The following CHST11 variants were observed in gnomAD, a reference collection of about 807,000 sequenced individuals.
CHST11 encodes the protein C4S-1.
CHST11 carries 9 observed loss-of-function variants against 30.4 expected under a neutral mutation model. The ratio of observed to expected loss-of-function variants is 0.30; its 90% CI spans 0.18 to 0.52. The LOEUF is 0.52. Ranked by LOEUF, CHST11 falls within the 20% of genes least tolerant of loss-of-function variation. The pLI is 0.97. For synonymous variants in CHST11, 152 were observed against 187.8 expected, an observed-to-expected ratio of 0.81 and a Z score of 1.56; for missense variants, 348 against 460.6, an observed-to-expected ratio of 0.76 and a Z score of 2.24.
Position 104,696,482 on chromosome 12 carries a change from C to CAAAAA in CHST11, c.205-60446_205-60442dup, listed in dbSNP as rs10602668. Among the ~76,000 whole-genome samples the CAAAAA allele has an allele frequency of 1.4e-3, 95 of 69,106 alleles. 1 individual carries two copies. The highest frequency in any genetic ancestry group is 1.8e-3 in the African/African-American group (30 of 16,224). 45.3% of individuals were successfully genotyped at this position (69,106 alleles called of 152,430 possible). A position where few individuals can be genotyped will look rare whatever the true frequency, so the allele number is the denominator to read the frequency against. ...TGAAACCCCGACTCTGCTAAAAATA[C>CAAAAA]AAAAAAAAAAAAAAAAAAAAAAAAA... On this transcript the variant is annotated intron_variant, in intron 2 of 2. Coordinates refer to ENST00000303694, the MANE Select transcript of CHST11 (RefSeq NM_018413.6).
At chr12:104,617,459 G>A (rs1393190967) in intron 2 of CHST11, among the ~76,000 whole-genome samples, 1 of 151,964 alleles carries the variant, frequency 6.6e-6, no homozygotes. Context: ...CCAAATACCT[G>A]GTGCAGCAAA....
intron 2 of CHST11, among the ~76,000 whole-genome samples, chr12:104,632,228 A>G (rs1164979410): frequency 6.6e-6 from 1 of 151,724 alleles, no homozygotes; most frequent in Non-Finnish European, 1.5e-5. Context: ...GGGTGATGAT[A>G]TGGGGGAAGG....
At chr12:104,476,611 G>A (rs2037565318) in intron 1 of CHST11, among the ~76,000 whole-genome samples, 1 of 151,844 alleles carries the variant, frequency 6.6e-6, no homozygotes, top group East Asian at 1.9e-4. Flanking sequence ...GTTTCTTAAT[G>A]TCCCTTTCAG....
At chr12:104,457,999 T>C (rs1022893104) in intron 1 of CHST11, among the ~76,000 whole-genome samples, 1 of 151,706 alleles carries the variant, frequency 6.6e-6, no homozygotes, top group East Asian at 2.0e-4. Flanking sequence ...CGCCTCTTCC[T>C]GGTTGCCGGG....
intron 2 of CHST11, among the ~76,000 whole-genome samples, chr12:104,610,265 A>C (rs577452314): frequency 1.3e-5 from 2 of 152,312 alleles, no homozygotes; most frequent in African/African-American, 4.8e-5. Flanking sequence ...GGTTGTGTTC[A>C]TGTGAAAGCA....
At chr12:104,478,075 C>T (rs1163679739) in intron 1 of CHST11, among the ~76,000 whole-genome samples, 2 of 152,052 alleles carry the variant, frequency 1.3e-5, no homozygotes, top group African/African-American at 4.8e-5. Flanking sequence ...AAGCAACCCC[C>T]CTAACAGGAA....
chr12:104,758,812 C>T lies in CHST11; in HGVS notation c.*1009C>T, dbSNP rs980076898. 13 of 152,254 alleles carry T rather than the reference C, an allele frequency of 8.5e-5. No individual in the cohort carries two copies. The highest frequency in any genetic ancestry group is 2.6e-4 in the African/African-American group (11 of 41,538). 9.4% of individuals were successfully genotyped at this position (152,254 alleles called of 1,614,324 possible). ...CATTCGGAGCAGGCCACTTTATATT[C>T]GTGAGTGATCCCAAGCTCACTGACC... On this transcript the variant is annotated 3_prime_UTR_variant, in exon 3 of 3. Coordinates refer to ENST00000303694, the MANE Select transcript of CHST11 (RefSeq NM_018413.6).
chr12:104,723,755 A>G (rs1365884555), intron 2 of CHST11, among the ~76,000 whole-genome samples: 2 of 152,200 alleles, frequency 1.3e-5, no homozygotes, highest in Non-Finnish European at 2.9e-5. Flanking sequence ...CTGTCGTATC[A>G]CTTTAGTGCC....
intron 2 of CHST11, among the ~76,000 whole-genome samples, chr12:104,696,673 GAATAA>G (rs1355901857): frequency 1.3e-5 from 2 of 151,522 alleles, no homozygotes; most frequent in African/African-American, 2.4e-5. Context: ...CTCAAAAAAA[GAATAA>G]AATAAAATAA....
intron 2 of CHST11, among the ~76,000 whole-genome samples, chr12:104,602,570 A>G (rs2038967173): frequency 6.6e-6 from 1 of 152,228 alleles, no homozygotes; most frequent in Admixed American, 6.5e-5. Flanking sequence ...CCAACCAAGG[A>G]AAAGTGTCTT....
At chr12:104,628,870 G>T (rs1410599133) in intron 2 of CHST11, among the ~76,000 whole-genome samples, 2 of 152,096 alleles carry the variant, frequency 1.3e-5, no homozygotes, top group Non-Finnish European at 2.9e-5. Context: ...TGACTTTCTG[G>T]TTATTTATTT....
intron 2 of CHST11, among the ~76,000 whole-genome samples, chr12:104,658,824 C>T (rs775920205): frequency 2.0e-5 from 3 of 152,228 alleles, no homozygotes; most frequent in Non-Finnish European, 4.4e-5. Flanking sequence ...ATGTAATCCT[C>T]ATGATGACCC....
In CHST11 at chr12:104,630,101, G is replaced by A. The variant is rs144637801; in HGVS notation, c.204+28110G>A. Among the ~76,000 whole-genome samples the A allele has an allele frequency of 3.9e-5, 6 of 152,218 alleles. No homozygotes were observed. In the East Asian group the frequency reaches 5.8e-4, roughly 15 times the overall value. ...TTTGATTAATACGTAACTCACTTAC[G>A]GATCTTAGTTATATCTGCAAATCCC... On this transcript the variant is annotated intron_variant, in intron 2 of 2. Coordinates refer to ENST00000303694, the MANE Select transcript of CHST11 (RefSeq NM_018413.6).
intron 2 of CHST11, among the ~76,000 whole-genome samples, chr12:104,688,237 G>A (rs1165151012): frequency 6.6e-6 from 1 of 152,190 alleles, no homozygotes. Flanking sequence ...CTTGCTGTTA[G>A]GGTGGGTACT....
At chr12:104,711,307 T>C (rs2040085869) in intron 2 of CHST11, among the ~76,000 whole-genome samples, 1 of 152,240 alleles carries the variant, frequency 6.6e-6, no homozygotes, top group Admixed American at 6.5e-5. Context: ...CCCTGGCACT[T>C]TCTTGCCCTA....
intron 1 of CHST11, among the ~76,000 whole-genome samples, chr12:104,584,725 T>A (rs2038784716): frequency 6.6e-6 from 1 of 152,240 alleles, no homozygotes; most frequent in Non-Finnish European, 1.5e-5. Context: ...AACAGTAGCA[T>A]TTTTTGATTG....
chr12:104,463,424 A>G (rs1318760411), intron 1 of CHST11, among the ~76,000 whole-genome samples: 1 of 152,154 alleles, frequency 6.6e-6, no homozygotes, highest in African/African-American at 2.4e-5. Context: ...CTTAGATCCA[A>G]TGTGAGTGAT....
chr12:104,550,279 T>C (rs188138600), intron 1 of CHST11, among the ~76,000 whole-genome samples: 6 of 152,302 alleles, frequency 3.9e-5, no homozygotes, highest in Admixed American at 6.5e-5. Context: ...CCTCCTGTGT[T>C]ATAAAGGCAA....
chr12:104,752,505 CTTATTTAT>C (rs56136898), intron 2 of CHST11, among the ~76,000 whole-genome samples: 2,626 of 149,540 alleles, frequency 0.018, 31 homozygotes, highest in East Asian at 0.05. Flanking sequence ...AATTTATTTA[CTTATTTAT>C]TTATTTATTT....
Sources: gnomAD v4.1 joint callset for allele counts (sites outside exome capture counted in the v4.1 genomes callset) on GRCh38, gnomAD v4.1.1 for gene constraint, MANE v1.5 for transcripts, NCBI Gene and HGNC (gene_info 2026-07-23, HGNC 2026-07-21) for gene names.